The following ZNF236 variants were observed in gnomAD, a reference collection of about 807,000 sequenced individuals.
ZNF236 encodes the protein regulated by glucose.
ZNF236 carries 50 observed loss-of-function variants against 191.2 expected under a neutral mutation model. The observed-to-expected ratio is 0.26, with a 90% confidence interval of 0.21 to 0.33. The LOEUF (loss-of-function observed/expected upper bound fraction) is 0.33. Among genes scored for constraint, ZNF236 ranks in the 10% least tolerant of loss-of-function variants. The probability of loss-of-function intolerance (pLI) is 1.00; values close to 1 mark genes in which losing one functional copy is unlikely to be tolerated. For missense variants in ZNF236, 1,754 were observed against 2,374.5 expected, an observed-to-expected ratio of 0.74 and a Z score of 5.43; for synonymous variants, 907 against 928.8, an observed-to-expected ratio of 0.98 and a Z score of 0.43.
intron 1 of ZNF236, among the ~76,000 whole-genome samples, chr18:76,827,211 G>C (rs1054265626): frequency 1.3e-5 from 2 of 151,772 alleles, no homozygotes; most frequent in Non-Finnish European, 2.9e-5. Flanking sequence ...TTGAGACGGA[G>C]TTTTGCCCTT....
At chr18:76,824,050 A>G (rs1004532090) in intron 1 of ZNF236, 4 of 420,184 alleles carry the variant, frequency 9.5e-6, no homozygotes, top group Non-Finnish European at 1.3e-5. Flanking sequence ...ATTTTTATTT[A>G]ACTGTTTAGC....
intron 1 of ZNF236, 102 bp from the exon 2 acceptor site, chr18:76,849,424 C>CT: frequency 1.1e-6 from 1 of 907,780 alleles, no homozygotes; most frequent in Non-Finnish European, 1.6e-6. Flanking sequence ...ACATAAATCT[C>CT]TGACATAATT....
intron 15 of ZNF236, among the ~76,000 whole-genome samples, chr18:76,910,424 A>C (rs1327845634): frequency 6.6e-6 from 1 of 152,180 alleles, no homozygotes; most frequent in Non-Finnish European, 1.5e-5. Flanking sequence ...CTGAGTAGAA[A>C]TTGGAACTTC....
chr18:76,903,673 A>G (rs1022902445), intron 11 of ZNF236, among the ~76,000 whole-genome samples: 8 of 152,106 alleles, frequency 5.3e-5, no homozygotes, highest in African/African-American at 1.7e-4. Flanking sequence ...AATGACTCTT[A>G]AGGAATTCGA....
At chr18:76,877,524 T>C (rs149074044) in intron 6 of ZNF236, among the ~76,000 whole-genome samples, 3 of 151,580 alleles carry the variant, frequency 2.0e-5, no homozygotes, top group Admixed American at 6.6e-5. Flanking sequence ...AAAAAGAAAA[T>C]TAGTTGTTGA....
At chr18:76,829,485 G>A (rs1015320332) in intron 1 of ZNF236, among the ~76,000 whole-genome samples, 4 of 151,938 alleles carry the variant, frequency 2.6e-5, no homozygotes, top group East Asian at 1.9e-4. Flanking sequence ...GTGCTACTAC[G>A]CCCGGCTAAT....
At position 76,929,208 on chromosome 18, in the gene ZNF236, A is replaced by G. The variant is rs1249169766; in HGVS notation, c.4594+1102A>G. Among the ~76,000 whole-genome samples the G allele has an allele frequency of 2.6e-5, 4 of 152,032 alleles. No individual in the cohort carries two copies. In the South Asian group the frequency reaches 6.2e-4, roughly 24 times the overall value. ...AAGGTGTCTTTATTTCTTTTAATAC[A>G]TTAGTGAGAAATTTGAGGAACTGTT... On this transcript the variant is annotated intron_variant, in intron 25 of 30. Transcript: ENST00000320610.
intron 25 of ZNF236, among the ~76,000 whole-genome samples, chr18:76,932,130 G>A (rs573528448): frequency 4.1e-4 from 62 of 152,192 alleles, no homozygotes; most frequent in Non-Finnish European, 8.5e-4. Flanking sequence ...GAATCCACAA[G>A]TGACTATAAA....
intron 1 of ZNF236, among the ~76,000 whole-genome samples, chr18:76,847,726 C>T (rs991325940): frequency 2.6e-5 from 4 of 152,226 alleles, no homozygotes; most frequent in Admixed American, 2.6e-4. Flanking sequence ...GCCTTGGCCT[C>T]CTGCCTCCCA....
intron 13 of ZNF236, among the ~76,000 whole-genome samples, chr18:76,906,222 A>G (rs1029651715): frequency 6.6e-6 from 1 of 152,208 alleles, no homozygotes; most frequent in Non-Finnish European, 1.5e-5. Flanking sequence ...CTGCCTAAGC[A>G]CCCTCAACAG....
At chr18:76,912,383 G>A (rs1380667352) in intron 17 of ZNF236, 36 bp downstream of exon 17, 26 of 1,526,408 alleles carry the variant, frequency 1.7e-5, no homozygotes, top group East Asian at 4.5e-5. Context: ...TGGTATTGCC[G>A]GCTCCCAGGA....
intron 20 of ZNF236, among the ~76,000 whole-genome samples, chr18:76,921,737 C>CTTTTTTT (rs11380490): frequency 5.8e-4 from 57 of 98,016 alleles, no homozygotes; most frequent in Non-Finnish European, 7.9e-4. Context: ...GTGGGATGTT[C>CTTTTTTT]TTTTTTTTTT....
chr18:76,936,046 A>T, intron 25 of ZNF236: 1 of 457,052 alleles, frequency 2.2e-6, no homozygotes, highest in Non-Finnish European at 4.4e-6. Flanking sequence ...TTGTATTTGG[A>T]GAACTCCAGC....
chr18:76,965,815 G>T (rs779237538), intron 30 of ZNF236, among the ~76,000 whole-genome samples: 5 of 152,200 alleles, frequency 3.3e-5, no homozygotes, highest in Non-Finnish European at 7.4e-5. Context: ...ACTCTGTGAA[G>T]GTTCTTAGCT....
chr18:76,934,537 A>G (rs901261434), intron 25 of ZNF236, among the ~76,000 whole-genome samples: 4 of 152,254 alleles, frequency 2.6e-5, no homozygotes, highest in African/African-American at 9.6e-5. Context: ...CTTTTGATGA[A>G]AGAAGCAAAG....
chr18:76,856,413 C>A (rs1278790984), intron 3 of ZNF236, among the ~76,000 whole-genome samples: 2 of 152,126 alleles, frequency 1.3e-5, no homozygotes, highest in Non-Finnish European at 2.9e-5. Context: ...AAACTCCTCA[C>A]CTCAGGTGAT....
At chr18:76,846,130 A>T (rs1035752584) in intron 1 of ZNF236, among the ~76,000 whole-genome samples, 2 of 152,272 alleles carry the variant, frequency 1.3e-5, no homozygotes, top group African/African-American at 4.8e-5. Context: ...GTCTCTTTTT[A>T]AAAAATAGAG....
intron 25 of ZNF236, 42 bp downstream of exon 25, chr18:76,928,148 TTAAG>T: frequency 6.6e-7 from 1 of 1,516,862 alleles, no homozygotes; most frequent in Non-Finnish European, 9.0e-7. Context: ...ACCCTGCAAT[TTAAG>T]TACTGTATAT....
chr18:76,834,633 G>T (rs540850582), intron 1 of ZNF236: 2 of 445,634 alleles, frequency 4.5e-6, no homozygotes, highest in East Asian at 5.4e-5. Flanking sequence ...TCCTTTTCCC[G>T]TTGCACCCAT....
Sources: allele counts gnomAD v4.1 joint callset (sites outside exome capture counted in the v4.1 genomes callset), GRCh38; gene constraint gnomAD v4.1.1; transcripts MANE v1.5; gene names NCBI Gene and HGNC (gene_info 2026-07-23, HGNC 2026-07-21).